The following CNBD2 variants were observed in gnomAD, a reference collection of about 807,000 sequenced individuals.
The protein encoded by CNBD2 is cyclic nucleotide binding domain containing 2.
CNBD2 carries 64 observed loss-of-function variants against 63.7 expected under a neutral mutation model. The ratio of observed to expected loss-of-function variants is 1.00; its 90% CI spans 0.82 to 1.24. The LOEUF is 1.24. CNBD2 is among the 50% of genes most tolerant of loss of function. The pLI, the probability that CNBD2 is intolerant of heterozygous loss-of-function variation, is 0.00. For synonymous variants in CNBD2, 229 were observed against 255.4 expected (o/e 0.90, Z 0.99); for missense variants, 691 against 713.5 (o/e 0.97, Z 0.36).
chr20:35,954,786 G>C lies in CNBD2; in HGVS notation c.*3G>C, dbSNP rs912404210. On this transcript the variant is annotated 3_prime_UTR_variant, in exon 1 of 1. Coordinates refer to the CNBD2 transcript ENST00000614708. ...TTGCGTGCGGGCGCCCCTTCTGATT[G>C]ACCCTGATGAGCTGTAGCTCTGATG... 2.3e-5 allele frequency: 9 copies of C among 399,310 alleles called. No individual in the cohort carries two copies. The East Asian group carries it at 7.2e-4, about 32-fold the overall frequency. 24.7% of individuals were successfully genotyped at this position (399,310 alleles called of 1,614,324 possible). A position where few individuals can be genotyped will look rare whatever the true frequency, so the allele number is the denominator to read the frequency against.
chr20:36,027,263 A>G (rs142679304), intron 11 of CNBD2, among the ~76,000 whole-genome samples: 1 of 152,178 alleles, frequency 6.6e-6, no homozygotes, highest in Non-Finnish European at 1.5e-5. Context: ...GAAGCGAGTG[A>G]TTCCAATGGT....
At chr20:35,982,655 T>C (rs1272547434) in intron 4 of CNBD2, among the ~76,000 whole-genome samples, 1 of 152,146 alleles carries the variant, frequency 6.6e-6, no homozygotes, top group East Asian at 1.9e-4. Flanking sequence ...CTTAAAGCAT[T>C]TTTAAACCTT....
intron 7 of CNBD2, among the ~76,000 whole-genome samples, chr20:35,989,508 A>AGG (rs2056713673): frequency 6.6e-6 from 1 of 152,210 alleles, no homozygotes; most frequent in Non-Finnish European, 1.5e-5. Flanking sequence ...TGGAGGCTTT[A>AGG]AGAAGGGCTT....
downstream of CNBD2, chr20:35,957,729 A>G (rs1004563910): frequency 2.0e-5 from 3 of 152,250 alleles, no homozygotes; most frequent in African/African-American, 7.2e-5. Flanking sequence ...AGATTGAGAA[A>G]CCAAGATGTC....
At chr20:35,975,693 C>T (rs2056506522) in intron 2 of CNBD2, among the ~76,000 whole-genome samples, 1 of 151,904 alleles carries the variant, frequency 6.6e-6, no homozygotes, top group South Asian at 2.1e-4. Flanking sequence ...TTCCTGTTTC[C>T]TCCTTATCCT....
intron 4 of CNBD2, among the ~76,000 whole-genome samples, chr20:35,983,377 A>C (rs2056622587): frequency 6.6e-6 from 1 of 152,120 alleles, no homozygotes; most frequent in East Asian, 1.9e-4. Context: ...CGAAATACAG[A>C]AACTTCCCTC....
At chr20:36,024,360 G>C (rs886786056) in intron 11 of CNBD2, among the ~76,000 whole-genome samples, 1 of 151,978 alleles carries the variant, frequency 6.6e-6, no homozygotes, top group South Asian at 2.1e-4. Flanking sequence ...TGAGCGTGGT[G>C]GCTCACTCCT....
upstream of CNBD2, chr20:35,954,486 G>C (rs556551814): frequency 2.8e-4 from 433 of 1,545,230 alleles, 5 homozygotes; most frequent in East Asian, 0.01. Flanking sequence ...GGAAGCGAAA[G>C]TCTCTGGCTT....
chr20:35,994,432 T>C (rs2056792587), intron 7 of CNBD2, among the ~76,000 whole-genome samples: 2 of 151,674 alleles, frequency 1.3e-5, no homozygotes, highest in South Asian at 4.2e-4. Flanking sequence ...GGTCTTGAAC[T>C]CCTGGGCTCA....
intron 2 of CNBD2, among the ~76,000 whole-genome samples, chr20:35,961,565 A>G (rs1228583530): frequency 6.6e-6 from 1 of 151,520 alleles, no homozygotes; most frequent in Non-Finnish European, 1.5e-5. Context: ...TTCATCTGCC[A>G]TTTGTTTTTC....
chr20:36,030,605 C>T lies in CNBD2; in HGVS notation c.1688C>T (p.Ala563Val). 1 of 1,614,166 alleles carries T rather than the reference C, an allele frequency of 6.2e-7. No individual in the cohort carries two copies. Residue 563 changes from alanine to valine, a missense_variant, in exon 12 of 12, where the codon GCC becomes GTC. Ala to Val is a moderately conservative substitution (Grantham distance 64). Transcript: ENST00000373973. ...KYLPPLRIVQ[A>V]IKAPRYKIRE... is the part of the protein sequence containing the mutation. ...CTCCCCCCATTGAGGATTGTCCAAG[C>T]CATCAAAGCACCTCGGTACAAAATC...
rs537701373 is a variant in CNBD2 at position 36,022,145 on chromosome 20, A to G, written c.1270-1457A>G. Among the ~76,000 whole-genome samples, 444 of 140,476 alleles carry G rather than the reference A, an allele frequency of 3.2e-3. 1 individual carries two copies. Among genetic ancestry groups the G allele is most frequent in the Non-Finnish European group, 4.4e-3 (290 of 65,416 alleles). 92.2% of individuals were successfully genotyped at this position (140,476 alleles called of 152,430 possible). A position where few individuals can be genotyped will look rare whatever the true frequency, so the allele number is the denominator to read the frequency against. On this transcript the variant is annotated intron_variant, in intron 10 of 11. Transcript: ENST00000373973. ...TGCCTCAGCCTCCCAAGTAGCTGGGATTACAGGCACCGGCCACCATCACCA... is the reference window on the plus strand; with the variant it reads ...TGCCTCAGCCTCCCAAGTAGCTGGGGTTACAGGCACCGGCCACCATCACCA...
At position 36,011,179 on chromosome 20, in the gene CNBD2, C is replaced by T. The variant is rs1385045130; in HGVS notation, c.1191C>T (p.Ile397=). Residue 397 remains isoleucine (I), a synonymous_variant, in exon 10 of 12, where the codon ATC becomes ATT. Coordinates refer to ENST00000373973, the MANE Select transcript of CNBD2 (RefSeq NM_001365709.1). Reference sequence around the variant, plus strand: ...CGATCAAATGTGCCATGATCAATATCAAGCCTGGTGAGCTCCCCAAGGAGG... The same window carrying T: ...CGATCAAATGTGCCATGATCAATATTAAGCCTGGTGAGCTCCCCAAGGAGG... The part of the protein sequence containing the change: ...AQSIKCAMIN[I]KPGELPKEAA... The T allele has an allele frequency of 2.5e-6, 4 of 1,598,350 alleles. No individual in the cohort carries two copies. In the South Asian group the frequency reaches 3.4e-5, roughly 14 times the overall value.
chr20:35,956,047 A>G (rs1202932411), downstream of CNBD2, among the ~76,000 whole-genome samples: 1 of 152,170 alleles, frequency 6.6e-6, no homozygotes, highest in Non-Finnish European at 1.5e-5. Context: ...TCCTCATTTT[A>G]CAGAAGGGGA....
chr20:36,011,211 TG>T lies in CNBD2; in HGVS notation c.1228del (p.Ala410ProfsTer3), dbSNP rs1407383411. The T allele has an allele frequency of 6.3e-6, 10 of 1,595,822 alleles. No individual in the cohort carries two copies. The highest frequency in any genetic ancestry group is 8.5e-6 in the Non-Finnish European group (10 of 1,170,294). ...KPGELPKEAA[V>X]GAYVKVHTVE... is the part of the protein sequence containing the mutation. ...GGTGAGCTCCCCAAGGAGGCTGCAG[TG>T]GGGGCCTACGTGAAGGTGCACACTG... On this transcript the variant is annotated frameshift_variant, in exon 10 of 12. Coordinates refer to ENST00000373973, the MANE Select transcript of CNBD2 (RefSeq NM_001365709.1). LOFTEE classifies it high-confidence loss of function.
At chr20:35,960,425 G>A (rs549933618) in intron 2 of CNBD2, among the ~76,000 whole-genome samples, 30 of 152,206 alleles carry the variant, frequency 2.0e-4, no homozygotes, top group Non-Finnish European at 3.8e-4. Flanking sequence ...TCACTGCAGC[G>A]TCAAACTCCT....
intron 9 of CNBD2, among the ~76,000 whole-genome samples, chr20:36,009,378 A>G (rs1417163657): frequency 6.6e-6 from 1 of 151,420 alleles, no homozygotes; most frequent in African/African-American, 2.4e-5. Context: ...ATTTTTTTGT[A>G]TTTTTAGTAG....
At chr20:35,960,492 G>C in intron 2 of CNBD2, among the ~76,000 whole-genome samples, 1 of 152,264 alleles carries the variant, frequency 6.6e-6, no homozygotes, top group Middle Eastern at 3.4e-3. Flanking sequence ...GGCGCGTACC[G>C]CCATGCCCCA....
rs138804836 is a variant in CNBD2 at position 35,987,443 on chromosome 20, G to T, written c.765G>T (p.Leu255=). ...ASWSDEKLWQ[L]VAMAKIERFS... is the part of the protein sequence containing the mutation. ...GGTCTGATGAGAAGCTCTGGCAGCTGGTAGCCATGGCGAAGATAGAGAGGT... is the reference window on the plus strand; with the variant it reads ...GGTCTGATGAGAAGCTCTGGCAGCTTGTAGCCATGGCGAAGATAGAGAGGT... The change falls in exon 7 of 12, where the codon CTG becomes CTT. Residue 255 remains leucine (L), a synonymous_variant. Coordinates refer to ENST00000373973, the MANE Select transcript of CNBD2 (RefSeq NM_001365709.1). The T allele has an allele frequency of 9.7e-4, 1,571 of 1,614,180 alleles. 14 individuals are homozygous for T. In the African/African-American group the frequency reaches 0.019, roughly 19 times the overall value.
Sources: allele counts gnomAD v4.1 joint callset (sites outside exome capture counted in the v4.1 genomes callset), GRCh38; gene constraint gnomAD v4.1.1; transcripts MANE v1.5; gene names NCBI Gene and HGNC (gene_info 2026-07-23, HGNC 2026-07-21).